Variants in HSP90B1 observed in about 807,000 individuals in gnomAD.
HSP90B1 encodes heat shock protein 90 beta family member 1.
In HSP90B1, 27 loss-of-function variants were observed where a neutral mutation model predicts 100.4. That is an observed-to-expected ratio of 0.27 (90% CI 0.20 to 0.37). HSP90B1 has a LOEUF of 0.37. HSP90B1 is among the 10% of genes least tolerant of loss of function. HSP90B1 has a pLI of 1.00. For missense variants in HSP90B1, 678 were observed against 960.5 expected (o/e 0.71, Z 3.89); for synonymous variants, 304 against 330.8 (o/e 0.92, Z 0.88).
At chr12:103,946,244 G>A (rs908686847) in intron 14 of HSP90B1, among the ~76,000 whole-genome samples, 12 of 152,000 alleles carry the variant, frequency 7.9e-5, no homozygotes, top group African/African-American at 2.9e-4. Flanking sequence ...AAGTACAGTC[G>A]TCCTTAGGTG....
chr12:103,947,249 TATAA>T, intron 16 of HSP90B1, 58 bp from the exon 17 acceptor site: 1 of 1,521,122 alleles, frequency 6.6e-7, no homozygotes, highest in Non-Finnish European at 8.8e-7. Context: ...ATTTTATACA[TATAA>T]ATGAGCAAAG....
chr12:103,934,221 A>G lies in HSP90B1; in HGVS notation c.677A>G (p.Asp226Gly). The change falls in exon 5 of 18, where the codon GAC becomes GGC. Residue 226 changes from aspartate (D) to glycine (G), a missense_variant. Transcript: ENST00000299767. ...NNDTQHIWES[D>G]SNEFSVIADP... The stretch of plus-strand genomic sequence containing the variant: ...GATACCCAGCACATCTGGGAGTCTG[A>G]CTCCAATGAATTTTCTGTAATTGCT... 1 of 1,614,154 alleles carries G rather than the reference A, an allele frequency of 6.2e-7. No homozygotes were observed. The highest frequency in any genetic ancestry group is 8.5e-7 in the Non-Finnish European group (1 of 1,180,022).
intron 14 of HSP90B1, among the ~76,000 whole-genome samples, chr12:103,944,736 A>T (rs1225338938): frequency 1.3e-5 from 2 of 152,062 alleles, no homozygotes; most frequent in African/African-American, 4.8e-5. Flanking sequence ...TTGTATTTTT[A>T]GTAGAGACGG....
intron 2 of HSP90B1, 78 bp downstream of exon 2, chr12:103,931,701 T>G: frequency 3.9e-6 from 4 of 1,015,706 alleles, no homozygotes; most frequent in Non-Finnish European, 6.1e-6. Context: ...TATGTATCTC[T>G]TCTCCAAAGG....
chr12:103,947,436 G>C lies in HSP90B1; in HGVS notation c.2382+6G>C. The stretch of plus-strand genomic sequence containing the variant: ...AAGAAGAAGAAACAGCAAAGGTATG[G>C]CAAATCAAGAATGTGACTTGCATTT... On this transcript the variant is annotated splice_donor_region_variant and intron_variant, in intron 17 of 17. Coordinates refer to ENST00000299767, the MANE Select transcript of HSP90B1 (RefSeq NM_003299.3). 1 of 1,614,092 alleles carries C rather than the reference G, an allele frequency of 6.2e-7. No individual in the cohort carries two copies. Among genetic ancestry groups the C allele is most frequent in the Non-Finnish European group, 8.5e-7 (1 of 1,179,984 alleles).
chr12:103,936,514 G>C (rs1869919499), intron 5 of HSP90B1, among the ~76,000 whole-genome samples: 1 of 151,904 alleles, frequency 6.6e-6, no homozygotes, highest in South Asian at 2.1e-4. Context: ...TGGCACAGTG[G>C]TGCATGCCTG....
At chr12:103,937,488 G>A (rs1324857162) in intron 5 of HSP90B1, among the ~76,000 whole-genome samples, 3 of 152,172 alleles carry the variant, frequency 2.0e-5, no homozygotes, top group African/African-American at 2.4e-5. Flanking sequence ...TCCACTTGAG[G>A]TAATGTAGAG....
rs753157411 is a variant in HSP90B1, at chr12:103,930,490, G to T, written c.-26G>T. ...GGAGGCGGCTCCTGCGATCGAAGGGGACTTGAGACTCACCGGCCGCACGCC... is the reference window on the plus strand; with the variant it reads ...GGAGGCGGCTCCTGCGATCGAAGGGTACTTGAGACTCACCGGCCGCACGCC... On this transcript the variant is annotated 5_prime_UTR_variant, in exon 1 of 18. Transcript: ENST00000299767. The surrounding 1 kb of genome is among the most constrained non-coding windows in gnomAD (Gnocchi z 4.4). The T allele has an allele frequency of 4.4e-6, 7 of 1,599,098 alleles. No homozygotes were observed. The highest frequency in any genetic ancestry group is 6.0e-6 in the Non-Finnish European group (7 of 1,172,830).
At chr12:103,931,002 G>T (rs1869738322) in intron 1 of HSP90B1, among the ~76,000 whole-genome samples, 1 of 152,194 alleles carries the variant, frequency 6.6e-6, no homozygotes, top group African/African-American at 2.4e-5. Context: ...GGGAGCGTGA[G>T]GCCTGGGGCC....
In HSP90B1 at chr12:103,942,809, C is replaced by T; in HGVS notation, c.1644+13C>T. Reference sequence around the variant, plus strand: ...CAGCAGAAAAGAGGTGAGATGAACTCATAAGTGTTGTCAGCCATTCTGGAA... The same window carrying T: ...CAGCAGAAAAGAGGTGAGATGAACTTATAAGTGTTGTCAGCCATTCTGGAA... On this transcript the variant is annotated intron_variant, in intron 12 of 17. Coordinates refer to ENST00000299767, the MANE Select transcript of HSP90B1 (RefSeq NM_003299.3). 1 of 1,612,134 alleles carries T rather than the reference C, an allele frequency of 6.2e-7. No individual in the cohort carries two copies.
At chr12:103,947,015 T>C in intron 16 of HSP90B1, 74 bp downstream of exon 16, 2 of 1,464,080 alleles carry the variant, frequency 1.4e-6, no homozygotes, top group South Asian at 1.3e-5. Flanking sequence ...AGGCCTCTCA[T>C]GATTGAGGGA....
chr12:103,935,487 C>T (rs528207482), intron 5 of HSP90B1, among the ~76,000 whole-genome samples: 1 of 152,242 alleles, frequency 6.6e-6, no homozygotes, highest in Admixed American at 6.5e-5. Context: ...GTTTTCTTAA[C>T]ATTAAGGGAA....
Position 103,934,201 on chromosome 12 carries a change from C to G in HSP90B1, c.657C>G (p.Thr219=), listed in dbSNP as rs6615. The change falls in exon 5 of 18, where the codon ACC becomes ACG. Residue 219 remains threonine, a synonymous_variant. Coordinates refer to ENST00000299767, the MANE Select transcript of HSP90B1 (RefSeq NM_003299.3). The part of the protein sequence containing the change: ...VIVTSKHNND[T]QHIWESDSNE... ...TCACTTCAAAACACAACAACGATACCCAGCACATCTGGGAGTCTGACTCCA... is the reference window on the plus strand; with the variant it reads ...TCACTTCAAAACACAACAACGATACGCAGCACATCTGGGAGTCTGACTCCA... The G allele has an allele frequency of 5.0e-6, 8 of 1,614,068 alleles. No individual in the cohort carries two copies. The South Asian group carries it at 6.6e-5, about 13-fold the overall frequency.
intron 4 of HSP90B1, among the ~76,000 whole-genome samples, 158 bp downstream of exon 4, chr12:103,933,100 G>T (rs189695276): frequency 1.3e-5 from 2 of 152,292 alleles, no homozygotes; most frequent in African/African-American, 2.4e-5. Flanking sequence ...AATCTAACTT[G>T]ACTTGTTTTT....
chr12:103,941,351 G>A lies in HSP90B1; in HGVS notation c.1093-59G>A, dbSNP rs971337363. The A allele has an allele frequency of 3.2e-6, 5 of 1,566,302 alleles. No homozygotes were observed. The African/African-American group carries it at 4.1e-5, about 13-fold the overall frequency. On this transcript the variant is annotated intron_variant, in intron 8 of 17. Transcript: ENST00000299767. Reference sequence around the variant, plus strand: ...TATGTACCACATAGTACATTGCTTAGTTCTTGCACTGCTTTTCTCCTGTGT... The same window carrying A: ...TATGTACCACATAGTACATTGCTTAATTCTTGCACTGCTTTTCTCCTGTGT...
At position 103,941,618 on chromosome 12, in the gene HSP90B1, G is replaced by A. The variant is rs1195130624; in HGVS notation, c.1231-11G>A. ...AATTTCCAGAAAGTGACTTTTTTTT[G>A]GTCTCTTTAGCTCTATGTGCGCCGT... On this transcript the variant is annotated splice_polypyrimidine_tract_variant and intron_variant, in intron 9 of 17. Transcript: ENST00000299767. 6.2e-7 allele frequency: 1 copy of A among 1,611,528 alleles called. No homozygotes were observed. Among genetic ancestry groups the A allele is most frequent in the African/African-American group, 1.3e-5 (1 of 74,564 alleles).
At position 103,947,690 on chromosome 12, in the gene HSP90B1, G is replaced by A; in HGVS notation, c.*28G>A. 6.4e-7 allele frequency: 1 copy of A among 1,570,858 alleles called. No homozygotes were observed. Among genetic ancestry groups the A allele is most frequent in the South Asian group, 1.1e-5 (1 of 90,080 alleles). On this transcript the variant is annotated 3_prime_UTR_variant, in exon 18 of 18. Coordinates refer to ENST00000299767, the MANE Select transcript of HSP90B1 (RefSeq NM_003299.3). ...TATACTCTCACCATTTGGATCCTGT[G>A]TGGAGAGGGAATGTGAAATTTACAT... is the stretch of plus-strand genomic sequence containing the variant.
Position 103,932,864 on chromosome 12 carries a change from T to C in HSP90B1, c.333T>C (p.Ala111=). ...LRELISNASD[A]LDKIRLISLT... ...AACTGATTTCAAATGCTTCTGATGC[T>C]TTAGATAAGATAAGGCTAATATCAC... The change falls in exon 4 of 18, where the codon GCT becomes GCC. Residue 111 remains alanine, a synonymous_variant. Transcript: ENST00000299767. The C allele has an allele frequency of 3.7e-6, 6 of 1,604,424 alleles. No individual in the cohort carries two copies. Among genetic ancestry groups the C allele is most frequent in the Non-Finnish European group, 5.1e-6 (6 of 1,171,460 alleles).
At chr12:103,941,316 C>G in intron 8 of HSP90B1, 94 bp from the exon 9 acceptor site, 5 of 1,311,860 alleles carry the variant, frequency 3.8e-6, no homozygotes, top group Non-Finnish European at 5.2e-6. Flanking sequence ...TAGTTAATTG[C>G]TAAACTGAAT....
Sources: allele counts gnomAD v4.1 joint callset (sites outside exome capture counted in the v4.1 genomes callset), GRCh38; gene constraint gnomAD v4.1.1; non-coding constraint Gnocchi (gnomAD v3.1); transcripts MANE v1.5; gene names NCBI Gene and HGNC (gene_info 2026-07-23, HGNC 2026-07-21).